The following SVOP variants were observed in gnomAD, a reference collection of about 807,000 sequenced individuals.
The protein encoded by SVOP is SV2 related protein.
Under a neutral mutation model 69.1 loss-of-function variants are expected in SVOP, and 17 were observed. That is an observed-to-expected ratio of 0.25 (90% CI 0.17 to 0.37). The LOEUF (loss-of-function observed/expected upper bound fraction) is 0.37. Among genes scored for constraint, SVOP ranks in the 10% least tolerant of loss-of-function variants. SVOP has a pLI of 1.00. For synonymous variants in SVOP, 238 were observed against 238.6 expected, an observed-to-expected ratio of 1.00 and a Z score of 0.02; for missense variants, 435 against 597.5, an observed-to-expected ratio of 0.73 and a Z score of 2.84.
chr12:108,922,620 G>C lies in SVOP; in HGVS notation c.1156+70C>G, dbSNP rs779045165. The C allele has an allele frequency of 1.1e-5, 13 of 1,179,840 alleles. No individual in the cohort carries two copies. In the Admixed American group the frequency reaches 1.4e-4, roughly 13 times the overall value. 73.1% of individuals were successfully genotyped at this position (1,179,840 alleles called of 1,614,324 possible). On this transcript the variant is annotated intron_variant, in intron 12 of 15. Coordinates refer to ENST00000610966, the MANE Select transcript of SVOP (RefSeq NM_018711.5). The stretch of plus-strand genomic sequence containing the variant: ...TTTGCTTCCAGGTAGGGTAGACAGA[G>C]CCACCAGCTGAACAATTGCCATATT...
intron 1 of SVOP, among the ~76,000 whole-genome samples, chr12:109,012,685 T>C (rs2040348742): frequency 6.6e-6 from 1 of 152,146 alleles, no homozygotes; most frequent in Admixed American, 6.6e-5. Context: ...CCCAGCACTT[T>C]GGGAGGCCAA....
At chr12:108,918,447 C>T (rs116160637) in intron 13 of SVOP, among the ~76,000 whole-genome samples, 1 of 152,146 alleles carries the variant, frequency 6.6e-6, no homozygotes, top group African/African-American at 2.4e-5. Context: ...AGGAATTGAG[C>T]CAGGGGCCAG....
At chr12:108,937,856 T>TA (rs2039865767) in intron 9 of SVOP, among the ~76,000 whole-genome samples, 2 of 152,360 alleles carry the variant, frequency 1.3e-5, no homozygotes, top group East Asian at 3.9e-4. Context: ...CGATGTTCTT[T>TA]AAAAAATATA....
intron 10 of SVOP, 66 bp from the exon 11 acceptor site, chr12:108,934,337 C>T (rs151002896): frequency 4.3e-6 from 6 of 1,390,484 alleles, no homozygotes; most frequent in South Asian, 3.9e-5. Flanking sequence ...TTCCCTACCC[C>T]CTTGGGAAGG....
chr12:108,930,635 G>A (rs145800662), intron 11 of SVOP, among the ~76,000 whole-genome samples: 2,483 of 152,088 alleles, frequency 0.016, 41 homozygotes, highest in Middle Eastern at 0.078. Context: ...GGGTTTCGCC[G>A]TGTTGGCCAG....
At position 108,935,408 on chromosome 12, in the gene SVOP, CTAAT is replaced by C. The variant is rs1354301359; in HGVS notation, c.972-1141_972-1138del. Among the ~76,000 whole-genome samples, 22 of 152,298 alleles carry C rather than the reference CTAAT, an allele frequency of 1.4e-4. No individual in the cohort carries two copies. The East Asian group carries it at 4.0e-3, about 28-fold the overall frequency. On this transcript the variant is annotated intron_variant, in intron 10 of 15. Transcript: ENST00000610966. ...TTTCATAATGCACTAAAATTAGTCTCTAATTAATTGCTTCAGTATTCAAGGAGCG... is the reference window on the plus strand; with the variant it reads ...TTTCATAATGCACTAAAATTAGTCTCTAATTGCTTCAGTATTCAAGGAGCG...
intron 5 of SVOP, among the ~76,000 whole-genome samples, chr12:108,971,860 C>G (rs1183034537): frequency 6.6e-6 from 1 of 151,986 alleles, no homozygotes; most frequent in Non-Finnish European, 1.5e-5. Flanking sequence ...TTGAGACCAG[C>G]CTGGGCAATA....
chr12:108,980,089 T>C (rs1447574329), intron 2 of SVOP, among the ~76,000 whole-genome samples: 3 of 152,078 alleles, frequency 2.0e-5, no homozygotes, highest in Non-Finnish European at 4.4e-5. Context: ...GGGAGGAGGA[T>C]GACTTGAGCC....
At chr12:108,916,739 T>C (rs1442803119) in intron 14 of SVOP, among the ~76,000 whole-genome samples, 1 of 152,192 alleles carries the variant, frequency 6.6e-6, no homozygotes, top group Non-Finnish European at 1.5e-5. Flanking sequence ...TATTTTATAG[T>C]ATTTTATTTA....
At chr12:108,920,955 A>G (rs1490896211) in intron 12 of SVOP, among the ~76,000 whole-genome samples, 2 of 152,164 alleles carry the variant, frequency 1.3e-5, no homozygotes, top group South Asian at 2.1e-4. Context: ...AATACATGCT[A>G]TTAATTTATC....
At chr12:108,979,530 C>A (rs1017682006) in intron 2 of SVOP, among the ~76,000 whole-genome samples, 16 of 152,172 alleles carry the variant, frequency 1.1e-4, no homozygotes, top group African/African-American at 3.9e-4. Flanking sequence ...ATGTGAGCCA[C>A]CATGCCCGGC....
intron 15 of SVOP, among the ~76,000 whole-genome samples, chr12:108,914,184 G>T (rs185017162): frequency 8.5e-5 from 13 of 152,326 alleles, no homozygotes; most frequent in African/African-American, 3.1e-4. Context: ...ATGGGTGGTT[G>T]CCAGGAGCCT....
At chr12:108,916,118 G>A (rs2039712015) in intron 14 of SVOP, among the ~76,000 whole-genome samples, 1 of 152,144 alleles carries the variant, frequency 6.6e-6, no homozygotes, top group Non-Finnish European at 1.5e-5. Flanking sequence ...GTCCTGGGGG[G>A]GGCTCCCCAA....
At chr12:108,976,907 G>T (rs559642214) in intron 4 of SVOP, among the ~76,000 whole-genome samples, 1 of 152,144 alleles carries the variant, frequency 6.6e-6, no homozygotes, top group Non-Finnish European at 1.5e-5. Context: ...GAGCCACTAC[G>T]CCCAGCCCAT....
intron 2 of SVOP, among the ~76,000 whole-genome samples, chr12:108,982,207 CCATCATCATCTT>C (rs1302160566): frequency 1.6e-4 from 24 of 151,178 alleles, no homozygotes; most frequent in African/African-American, 4.9e-4. Context: ...ATCATGATCT[CCATCATCATCTT>C]CATCACCATA....
At chr12:109,017,292 AG>A (rs140109263) in intron 1 of SVOP, among the ~76,000 whole-genome samples, 5,553 of 152,218 alleles carry the variant, frequency 0.036, 343 homozygotes, top group African/African-American at 0.13. Flanking sequence ...GCTCCTTATG[AG>A]AATCTAATGC....
rs931197810 is a variant in SVOP, at chr12:108,948,156, A to C, written c.579-2990T>G. 3.9e-5 allele frequency among the ~76,000 whole-genome samples: 6 copies of C among 152,014 alleles called. No individual in the cohort carries two copies. The East Asian group carries it at 1.2e-3, about 29-fold the overall frequency. On this transcript the variant is annotated intron_variant, in intron 6 of 15. Transcript: ENST00000610966. Reference sequence around the variant, plus strand: ...GGTCAGATCCTGTGGAGCAATGAACACTCCCTTAGCTCCCTGTGTGCTCAG... The same window carrying C: ...GGTCAGATCCTGTGGAGCAATGAACCCTCCCTTAGCTCCCTGTGTGCTCAG...
At chr12:109,017,453 A>G (rs1451090409) in intron 1 of SVOP, among the ~76,000 whole-genome samples, 1 of 151,850 alleles carries the variant, frequency 6.6e-6, no homozygotes, top group Non-Finnish European at 1.5e-5. Context: ...TATGCTGTCC[A>G]ATATAGTAGC....
chr12:108,984,610 T>G (rs2040157604), intron 1 of SVOP, among the ~76,000 whole-genome samples: 1 of 152,186 alleles, frequency 6.6e-6, no homozygotes, highest in Non-Finnish European at 1.5e-5. Context: ...CCTGTAGACA[T>G]TTGAGTTTGA....
Sources: allele counts gnomAD v4.1 joint callset (sites outside exome capture counted in the v4.1 genomes callset), GRCh38; gene constraint gnomAD v4.1.1; transcripts MANE v1.5; gene names NCBI Gene and HGNC (gene_info 2026-07-23, HGNC 2026-07-21).